Variants in KCNMB2 observed in about 807,000 individuals in gnomAD.
KCNMB2 encodes potassium calcium-activated channel subfamily M regulatory beta subunit 2.
In KCNMB2, 9 loss-of-function variants were observed where a neutral mutation model predicts 24.5. The ratio of observed to expected loss-of-function variants is 0.37; its 90% confidence interval spans 0.22 to 0.64. The LOEUF (loss-of-function observed/expected upper bound fraction) is 0.64. KCNMB2 is among the 30% of genes least tolerant of loss of function. The pLI, the probability that KCNMB2 is intolerant of heterozygous loss-of-function variation, is 0.63. For missense variants in KCNMB2, 226 were observed against 284.3 expected, an observed-to-expected ratio of 0.79 and a Z score of 1.47; for synonymous variants, 109 against 104.4, an observed-to-expected ratio of 1.04 and a Z score of -0.27.
At chr3:178,796,914 T>A (rs537091354) in intron 1 of KCNMB2, among the ~76,000 whole-genome samples, 2 of 151,704 alleles carry the variant, frequency 1.3e-5, no homozygotes, top group East Asian at 3.9e-4. Context: ...AATAAAGAAA[T>A]TGAAATGAAG....
At chr3:178,722,618 G>A (rs528525953) in intron 1 of KCNMB2, among the ~76,000 whole-genome samples, 1 of 152,284 alleles carries the variant, frequency 6.6e-6, no homozygotes, top group East Asian at 1.9e-4. Context: ...CTTTGGCGGG[G>A]CACGGTGACA....
At chr3:178,548,139 T>G (rs1715835046) in intron 1 of KCNMB2, among the ~76,000 whole-genome samples, 1 of 152,202 alleles carries the variant, frequency 6.6e-6, no homozygotes, top group African/African-American at 2.4e-5. Flanking sequence ...ACCCTCATAT[T>G]TTTCAAAGTG....
At chr3:178,614,749 C>T (rs150375023) in intron 1 of KCNMB2, among the ~76,000 whole-genome samples, 5 of 152,298 alleles carry the variant, frequency 3.3e-5, no homozygotes, top group African/African-American at 1.2e-4. Flanking sequence ...GGTCACATAA[C>T]TGTTTCTCCA....
chr3:178,702,430 T>A (rs1722134208), intron 1 of KCNMB2, among the ~76,000 whole-genome samples: 1 of 150,214 alleles, frequency 6.7e-6, no homozygotes. Flanking sequence ...TTAAAAAGTA[T>A]AATAAATATA....
chr3:178,736,626 G>A (rs1219698843), intron 1 of KCNMB2, among the ~76,000 whole-genome samples: 1 of 152,208 alleles, frequency 6.6e-6, no homozygotes, highest in Non-Finnish European at 1.5e-5. Context: ...TTCAGAAGGA[G>A]GGCTGATAAA....
chr3:178,817,218 T>TATATATATATATATATATATATATACAC (rs147866886), intron 2 of KCNMB2, among the ~76,000 whole-genome samples: 3 of 134,962 alleles, frequency 2.2e-5, no homozygotes, highest in African/African-American at 6.6e-5. Context: ...GTTAATGACA[T>TATATATATATATATATATATATATACAC]ATATATATAA....
chr3:178,629,499 G>T (rs983186325), intron 1 of KCNMB2, among the ~76,000 whole-genome samples: 2 of 152,092 alleles, frequency 1.3e-5, no homozygotes, highest in African/African-American at 4.8e-5. Context: ...TGGGGTGGTT[G>T]CAAGGCATAA....
chr3:178,758,189 G>GATAT (rs367970683), intron 1 of KCNMB2, among the ~76,000 whole-genome samples: 15 of 9,046 alleles, frequency 1.7e-3, no homozygotes, highest in East Asian at 0.012. Flanking sequence ...TATCCAAGGG[G>GATAT]ATATATATAT....
chr3:178,787,702 T>C (rs377150796), intron 1 of KCNMB2, among the ~76,000 whole-genome samples: 1 of 152,188 alleles, frequency 6.6e-6, no homozygotes, highest in Non-Finnish European at 1.5e-5. Context: ...GAAGAATTAA[T>C]GGAAGAAATA....
rs551134160 is a variant in KCNMB2 at position 178,649,115 on chromosome 3, T to C, written c.-68+112404T>C. Among the ~76,000 whole-genome samples, 37 of 152,322 alleles carry C rather than the reference T, an allele frequency of 2.4e-4. 1 individual carries two copies. The South Asian group carries it at 7.5e-3, about 31-fold the overall frequency. On this transcript the variant is annotated intron_variant, in intron 1 of 4. Transcript: ENST00000452583. Reference sequence around the variant, plus strand: ...ATGATTTAGATGTTAGTTTCCTTTATCTGCTTTACATTTTGTAAGTAACTT... The same window carrying C: ...ATGATTTAGATGTTAGTTTCCTTTACCTGCTTTACATTTTGTAAGTAACTT...
rs569865167 is a variant in KCNMB2 at position 178,733,471 on chromosome 3, AT to A, written c.-67-73868del. Among the ~76,000 whole-genome samples, 846 of 152,000 alleles carry A rather than the reference AT, an allele frequency of 5.6e-3. 5 individuals are homozygous for A. Among genetic ancestry groups the A allele is most frequent in the Non-Finnish European group, 9.1e-3 (618 of 67,928 alleles). ...GAGGGATATAATCTGATTTAAATTT[AT>A]TTTATTTATTTATTTATTTATTTTT... On this transcript the variant is annotated intron_variant, in intron 1 of 4. Transcript: ENST00000452583.
intron 2 of KCNMB2, among the ~76,000 whole-genome samples, chr3:178,822,565 G>T (rs10804873): frequency 0.66 from 100,610 of 152,052 alleles, 35,605 homozygotes; most frequent in African/African-American, 0.92. Context: ...TCCAAATCAT[G>T]TATTCATTTC....
At chr3:178,755,681 G>A (rs924523964) in intron 1 of KCNMB2, among the ~76,000 whole-genome samples, 1 of 151,982 alleles carries the variant, frequency 6.6e-6, no homozygotes, top group Non-Finnish European at 1.5e-5. Context: ...ACATTCTCTG[G>A]GTTATTATTC....
intron 1 of KCNMB2, among the ~76,000 whole-genome samples, chr3:178,610,910 A>G (rs2108516056): frequency 6.6e-6 from 1 of 152,214 alleles, no homozygotes; most frequent in African/African-American, 2.4e-5. Flanking sequence ...TTCCTTCTAT[A>G]CCTAGTCTTC....
chr3:178,817,683 T>C (rs1714463015), intron 2 of KCNMB2, among the ~76,000 whole-genome samples: 2 of 152,190 alleles, frequency 1.3e-5, no homozygotes, highest in Non-Finnish European at 2.9e-5. Flanking sequence ...TTGATTTTCT[T>C]CTGGAAAGAG....
At chr3:178,537,046 C>A (rs916815489) in intron 1 of KCNMB2, among the ~76,000 whole-genome samples, 7 of 151,876 alleles carry the variant, frequency 4.6e-5, no homozygotes, top group Admixed American at 4.6e-4. Flanking sequence ...CTGGTAGGGT[C>A]GAGTGAAGAC....
At chr3:178,639,117 T>A (rs114798021) in intron 1 of KCNMB2, among the ~76,000 whole-genome samples, 33 of 152,292 alleles carry the variant, frequency 2.2e-4, no homozygotes, top group Admixed American at 2.0e-3. Context: ...TCTTCAAATA[T>A]TGTTTGCTGC....
chr3:178,573,602 A>AAATT, intron 1 of KCNMB2, among the ~76,000 whole-genome samples: 1 of 144,998 alleles, frequency 6.9e-6, no homozygotes, highest in Non-Finnish European at 1.5e-5. Context: ...AAAAAAAACT[A>AAATT]GCCAGGTGTG....
In KCNMB2 at chr3:178,759,421, ATC is replaced by A. The variant is rs1487089503; in HGVS notation, c.-67-47917_-67-47916del. 0.014 allele frequency among the ~76,000 whole-genome samples: 186 copies of A among 13,768 alleles called. 55 individuals carry two copies. The African/African-American group carries it at 0.2, about 15-fold the overall frequency. 9.0% of individuals were successfully genotyped at this position (13,768 alleles called of 152,430 possible). On this transcript the variant is annotated intron_variant, in intron 1 of 4. Transcript: ENST00000452583. ...CAAGAGGATATATATATATATATAT[ATC>A]TCTCCAAGAGGATATATATATATAT...
Sources: allele counts gnomAD v4.1 joint callset (sites outside exome capture counted in the v4.1 genomes callset), GRCh38; gene constraint gnomAD v4.1.1; transcripts MANE v1.5; gene names NCBI Gene and HGNC (gene_info 2026-07-23, HGNC 2026-07-21).